IMMT: variants seen among roughly 807,000 people sequenced by gnomAD.
IMMT encodes the protein inner membrane mitochondrial protein, also known as MICOS complex subunit MIC60.
In IMMT, 40 loss-of-function variants were observed where a neutral mutation model predicts 92.7. That is an observed-to-expected ratio of 0.43 (90% CI 0.34 to 0.56). IMMT has a LOEUF of 0.56. Among genes scored for constraint, IMMT ranks in the 20% least tolerant of loss-of-function variants. The probability of loss-of-function intolerance (pLI) is 0.03; values close to 1 mark genes in which losing one functional copy is unlikely to be tolerated. For missense variants in IMMT, 831 were observed against 912.1 expected (o/e 0.91, Z 1.14); for synonymous variants, 322 against 336.1 (o/e 0.96, Z 0.46).
intron 12 of IMMT, among the ~76,000 whole-genome samples, chr2:86,149,624 T>A (rs940782067): frequency 6.6e-6 from 1 of 152,166 alleles, no homozygotes. Flanking sequence ...ATGCCTGTAA[T>A]TCTGGCGCCG....
In IMMT at chr2:86,179,353, C is replaced by A. The variant is rs901425440; in HGVS notation, c.309+80G>T. 12 of 1,191,530 alleles carry A rather than the reference C, an allele frequency of 1.0e-5. No homozygotes were observed. The African/African-American group carries it at 1.4e-4, about 14-fold the overall frequency. 73.8% of individuals were successfully genotyped at this position (1,191,530 alleles called of 1,614,324 possible). A position where few individuals can be genotyped will look rare whatever the true frequency, so the allele number is the denominator to read the frequency against. On this transcript the variant is annotated intron_variant, in intron 3 of 14. Coordinates refer to ENST00000410111, the MANE Select transcript of IMMT (RefSeq NM_006839.3). ...CCTCTCCTTCAAGAATACCAAAAGACAACTGTATTTTCAACATGAAAACAA... is the reference window on the plus strand; with the variant it reads ...CCTCTCCTTCAAGAATACCAAAAGAAAACTGTATTTTCAACATGAAAACAA...
rs749966188 is a variant in IMMT, at chr2:86,144,414, T to G, written c.2131A>C (p.Asn711His). The G allele has an allele frequency of 5.6e-6, 9 of 1,613,976 alleles. No homozygotes were observed. Among genetic ancestry groups the G allele is most frequent in the Non-Finnish European group, 7.6e-6 (9 of 1,179,880 alleles). Reference protein sequence around the residue: ...GDLELAAKFVNQLKGESRRVA... With the variant: ...GDLELAAKFVHQLKGESRRVA... The stretch of plus-strand genomic sequence containing the variant: ...CGTCTGGATTCCCCCTTCAGCTGAT[T>G]GACAAACTTTGCTGCTAGCTCCAGA... The change falls in exon 15 of 15, where the codon AAT becomes CAT. Residue 711 changes from asparagine (N) to histidine (H), a missense_variant. By Grantham distance (68) the Asn-to-His change is moderately conservative (BLOSUM62 1). Coordinates refer to ENST00000410111, the MANE Select transcript of IMMT (RefSeq NM_006839.3).
rs1433011694 is a variant in IMMT at position 86,144,255 on chromosome 2, ATCT to A, written c.*10_*12del. The A allele has an allele frequency of 1.2e-6, 2 of 1,610,906 alleles. No individual in the cohort carries two copies. Among genetic ancestry groups the A allele is most frequent in the Non-Finnish European group, 8.5e-7 (1 of 1,177,642 alleles). The stretch of plus-strand genomic sequence containing the variant: ...TGACATGAAATATGACTTTATGAAA[ATCT>A]TCCTAAACCTCACTCTGGCTGCACC... On this transcript the variant is annotated 3_prime_UTR_variant, in exon 15 of 15. Coordinates refer to ENST00000410111, the MANE Select transcript of IMMT (RefSeq NM_006839.3).
chr2:86,181,461 A>T lies in IMMT; in HGVS notation c.46-89T>A. The T allele has an allele frequency of 1.1e-5, 9 of 843,280 alleles. No individual in the cohort carries two copies. The South Asian group carries it at 1.4e-4, about 13-fold the overall frequency. 52.2% of individuals were successfully genotyped at this position (843,280 alleles called of 1,614,324 possible). A position where few individuals can be genotyped will look rare whatever the true frequency, so the allele number is the denominator to read the frequency against. On this transcript the variant is annotated intron_variant, in intron 1 of 14. Coordinates refer to ENST00000410111, the MANE Select transcript of IMMT (RefSeq NM_006839.3). ...GTAATACAGAAATAATACTTTTATT[A>T]AAAATGTCTTCATTAAACAAAAAAT...
Position 86,174,441 on chromosome 2 carries a change from T to A in IMMT, c.310-680A>T, listed in dbSNP as rs575843684. Among the ~76,000 whole-genome samples, 3 of 152,364 alleles carry A rather than the reference T, an allele frequency of 2.0e-5. No homozygotes were observed. The East Asian group carries it at 5.8e-4, about 29-fold the overall frequency. ...CTACTTAAACACAACAGGGTGGTTC[T>A]GAACTTAGTCACTACCAGAAACCAG... On this transcript the variant is annotated intron_variant, in intron 3 of 14. Coordinates refer to ENST00000410111, the MANE Select transcript of IMMT (RefSeq NM_006839.3).
intron 3 of IMMT, among the ~76,000 whole-genome samples, chr2:86,176,348 T>C (rs971260467): frequency 3.9e-5 from 6 of 152,194 alleles, no homozygotes; most frequent in Admixed American, 3.9e-4. Context: ...GATTCTCTGG[T>C]ATTAATATAA....
At chr2:86,159,743 AG>A in intron 8 of IMMT, 72 bp from the exon 9 acceptor site, 1 of 1,295,614 alleles carries the variant, frequency 7.7e-7, no homozygotes, top group Non-Finnish European at 1.0e-6. Context: ...ATGTCAGCAC[AG>A]TATATAATTG....
intron 1 of IMMT, among the ~76,000 whole-genome samples, chr2:86,190,768 T>C (rs1373306201): frequency 1.3e-5 from 2 of 152,102 alleles, no homozygotes; most frequent in Non-Finnish European, 2.9e-5. Context: ...GGCGGGCAGA[T>C]CACGACGTCA....
chr2:86,181,275 G>A, intron 2 of IMMT, 24 bp downstream of exon 2: 9 of 1,574,482 alleles, frequency 5.7e-6, no homozygotes, highest in Non-Finnish European at 7.9e-6. Flanking sequence ...GAAAAGCCTG[G>A]TTATAGGGAG....
At chr2:86,183,639 C>T (rs1484488326) in intron 1 of IMMT, among the ~76,000 whole-genome samples, 6 of 149,890 alleles carry the variant, frequency 4.0e-5, no homozygotes, top group Non-Finnish European at 8.9e-5. Context: ...CTTCTTTCCC[C>T]AGCCACCCCA....
intron 3 of IMMT, among the ~76,000 whole-genome samples, chr2:86,178,944 C>T (rs768873423): frequency 3.3e-5 from 5 of 152,108 alleles, no homozygotes; most frequent in Non-Finnish European, 7.3e-5. Flanking sequence ...TGCCTGTAAT[C>T]CCAGCTACTC....
rs777608365 is a variant in IMMT at position 86,151,473 on chromosome 2, G to A, written c.1225C>T (p.His409Tyr). The A allele has an allele frequency of 1.2e-6, 2 of 1,614,018 alleles. No individual in the cohort carries two copies. Among genetic ancestry groups the A allele is most frequent in the South Asian group, 2.2e-5 (2 of 91,092 alleles). The change falls in exon 12 of 15, where the codon CAT (histidine) becomes TAT (tyrosine). Residue 409 changes from histidine to tyrosine, a missense_variant. By Grantham distance (83) the His-to-Tyr change is moderately conservative (BLOSUM62 2). Transcript: ENST00000410111. ...CTGTTCAGCTGATCAATACGACGAT[G>A]TGCATGAGCAATGAGGGAGTTCAGA... ...DDLNSLIAHA[H>Y]RRIDQLNREL...
At position 86,173,685 on chromosome 2, in the gene IMMT, TG is replaced by T; in HGVS notation, c.385del (p.Gln129LysfsTer41). 6.2e-7 allele frequency: 1 copy of T among 1,605,842 alleles called. No homozygotes were observed. Among genetic ancestry groups the T allele is most frequent in the Non-Finnish European group, 8.5e-7 (1 of 1,172,806 alleles). ...KESKQPASQL[Q>X]KQKGDTPASA... ...AGCTGGAGTATCTCCCTTTTGTTTTTGGAGTTGTGAGGCAGGCTGTTTAGAT... is the reference window on the plus strand; with the variant it reads ...AGCTGGAGTATCTCCCTTTTGTTTTTGAGTTGTGAGGCAGGCTGTTTAGAT... On this transcript the variant is annotated frameshift_variant, in exon 4 of 15. Transcript: ENST00000410111. LOFTEE classifies it high-confidence loss of function.
chr2:86,184,736 A>G (rs1455793203), intron 1 of IMMT, among the ~76,000 whole-genome samples: 1 of 150,652 alleles, frequency 6.6e-6, no homozygotes, highest in Non-Finnish European at 1.5e-5. Context: ...CTTAAAGAAA[A>G]GCAAAAAAAA....
Position 86,144,353 on chromosome 2 carries a change from G to T in IMMT, c.2192C>A (p.Thr731Asn). 6.2e-7 allele frequency: 1 copy of T among 1,613,964 alleles called. No homozygotes were observed. Among genetic ancestry groups the T allele is most frequent in the East Asian group, 2.2e-5 (1 of 44,888 alleles). The change falls in exon 15 of 15, where the codon ACC becomes AAC. Residue 731 changes from threonine (T) to asparagine (N), a missense_variant. Transcript: ENST00000410111. The part of the protein sequence containing the change: ...AQDWLKEARM[T>N]LETKQIVEIL... ...TTCCACTATCTGTTTCGTTTCTAGGGTCATTCGGGCTTCCTTCAGCCAGTC... is the reference window on the plus strand; with the variant it reads ...TTCCACTATCTGTTTCGTTTCTAGGTTCATTCGGGCTTCCTTCAGCCAGTC...
intron 3 of IMMT, among the ~76,000 whole-genome samples, chr2:86,176,776 G>A (rs566024839): frequency 6.6e-6 from 1 of 152,342 alleles, no homozygotes; most frequent in African/African-American, 2.4e-5. Flanking sequence ...TACAAAGAAT[G>A]AAATCTGAAG....
chr2:86,145,665 A>G (rs986815080), intron 14 of IMMT, among the ~76,000 whole-genome samples: 1 of 152,006 alleles, frequency 6.6e-6, no homozygotes, highest in Non-Finnish European at 1.5e-5. Flanking sequence ...TTGTCATGAC[A>G]TTTCTCTTTC....
intron 12 of IMMT, among the ~76,000 whole-genome samples, chr2:86,148,643 A>G (rs536875702): frequency 1.7e-3 from 261 of 152,214 alleles, no homozygotes; most frequent in Admixed American, 4.1e-3. Flanking sequence ...ATTAGTAAGT[A>G]TCTGGTAGTT....
intron 1 of IMMT, among the ~76,000 whole-genome samples, chr2:86,188,055 T>C (rs1413412053): frequency 2.0e-5 from 3 of 152,144 alleles, no homozygotes; most frequent in African/African-American, 7.2e-5. Context: ...CATTTTTGTT[T>C]TGAGATGGAG....
Sources: allele counts gnomAD v4.1 joint callset (sites outside exome capture counted in the v4.1 genomes callset), GRCh38; gene constraint gnomAD v4.1.1; transcripts MANE v1.5; gene names NCBI Gene and HGNC (gene_info 2026-07-23, HGNC 2026-07-21).